TJP2: variants seen among roughly 807,000 people sequenced by gnomAD.
TJP2 encodes the protein Friedreich ataxia region gene X104 (tight junction protein ZO-2).
In TJP2, 91 loss-of-function variants were observed where a neutral mutation model predicts 133.1. The observed-to-expected ratio is 0.68, with a 90% CI of 0.58 to 0.81. The LOEUF (loss-of-function observed/expected upper bound fraction) is 0.81. Among genes scored for constraint, TJP2 ranks in the 40% least tolerant of loss-of-function variants. The pLI, the probability that TJP2 is intolerant of heterozygous loss-of-function variation, is 0.00. For missense variants in TJP2, 1,541 were observed against 1,565.6 expected (o/e 0.98, Z 0.26); for synonymous variants, 592 against 583.4 (o/e 1.01, Z -0.21).
chr9:69,185,504 A>T (rs1004349112), intron 1 of TJP2, among the ~76,000 whole-genome samples: 5 of 152,196 alleles, frequency 3.3e-5, no homozygotes, highest in Non-Finnish European at 7.4e-5. Flanking sequence ...GATTCTAGGT[A>T]CTTTTCTAAA....
At chr9:69,146,763 T>C (rs549754384) in intron 1 of TJP2, among the ~76,000 whole-genome samples, 1 of 152,148 alleles carries the variant, frequency 6.6e-6, no homozygotes, top group African/African-American at 2.4e-5. Flanking sequence ...CAGGGGTTGC[T>C]ATTGGCATCT....
rs1450539848 is a variant in TJP2 at position 69,128,130 on chromosome 9, T to C, written c.-131+6405T>C. ...AATCATCCATTGCATGGACATGTCA[T>C]AGTTTGCTTATCCATTCATCCATTA... On this transcript the variant is annotated intron_variant, in intron 1 of 5. Transcript: ENST00000423935. 2.6e-5 allele frequency among the ~76,000 whole-genome samples: 2 copies of C among 77,116 alleles called. 1 individual carries two copies. The highest frequency in any genetic ancestry group is 6.0e-5 in the Non-Finnish European group (2 of 33,504). 50.6% of individuals were successfully genotyped at this position (77,116 alleles called of 152,430 possible).
intron 1 of TJP2, among the ~76,000 whole-genome samples, chr9:69,184,806 A>C (rs1369850633): frequency 5.2e-5 from 7 of 135,248 alleles, no homozygotes; most frequent in African/African-American, 8.5e-5. Context: ...GCTGGAGTGC[A>C]GTGGTGCCGT....
At chr9:69,151,696 G>C in exon 2 of TJP2, 1 of 1,232,046 alleles carries the variant, frequency 8.1e-7, no homozygotes, top group Non-Finnish European at 1.0e-6. Context: ...AGTGGGATTG[G>C]CACCCCGGCT....
intron 2 of TJP2, among the ~76,000 whole-genome samples, chr9:69,159,674 C>A (rs1006075070): frequency 1.3e-5 from 2 of 151,868 alleles, no homozygotes; most frequent in South Asian, 4.1e-4. Flanking sequence ...GTCAGGAGAT[C>A]GAGACCATCC....
chr9:69,176,360 C>CTT (rs200206031), intron 1 of TJP2, among the ~76,000 whole-genome samples: 1 of 152,142 alleles, frequency 6.6e-6, no homozygotes, highest in African/African-American at 2.4e-5. Flanking sequence ...GCTGAAAACT[C>CTT]TTAAGTGTTG....
At chr9:69,121,612 G>T (rs1478076653) in exon 1 of TJP2, 1 of 153,016 alleles carries the variant, frequency 6.5e-6, no homozygotes, top group Admixed American at 6.6e-5. Flanking sequence ...GGGAGCGCAG[G>T]GGGACACCAG....
chr9:69,248,004 T>G lies in TJP2; in HGVS notation c.2668-8T>G. ...ACCCCACTGACCGTCCAACACAAAT[T>G]CCTCTAGATGGAAGGGATGGATGAT... On this transcript the variant is annotated splice_region_variant and splice_polypyrimidine_tract_variant and intron_variant, in intron 18 of 22. Coordinates refer to ENST00000377245, the MANE Select transcript of TJP2 (RefSeq NM_004817.4). The G allele has an allele frequency of 6.3e-7, 1 of 1,585,942 alleles. No homozygotes were observed. Among genetic ancestry groups the G allele is most frequent in the East Asian group, 2.3e-5 (1 of 44,426 alleles).
In TJP2 at chr9:69,251,025, C is replaced by G; in HGVS notation, c.2992-10C>G. ...AGCCCAGGGTGAAAACGTGTCATTG[C>G]TCTCCGCAGGCCAAAACCCAGAACA... On this transcript the variant is annotated splice_polypyrimidine_tract_variant and intron_variant, in intron 20 of 22. Coordinates refer to ENST00000377245, the MANE Select transcript of TJP2 (RefSeq NM_004817.4). 1 of 1,613,418 alleles carries G rather than the reference C, an allele frequency of 6.2e-7. No homozygotes were observed. The highest frequency in any genetic ancestry group is 8.5e-7 in the Non-Finnish European group (1 of 1,179,478).
chr9:69,211,384 A>C (rs911265916), intron 1 of TJP2, among the ~76,000 whole-genome samples: 2 of 152,210 alleles, frequency 1.3e-5, no homozygotes, highest in Non-Finnish European at 2.9e-5. Flanking sequence ...CATATTATAG[A>C]TACTCCATTT....
Position 69,174,430 on chromosome 9 carries a change from C to T in TJP2, c.58C>T (p.Arg20Cys). The part of the protein sequence containing the change: ...PPRRELSGWL[R>C]APGMEELIWE... ...CCGGCGGGAGCTGTCAGGTTGGCTC[C>T]GCGTAAGTGCCTCCTTGTGCCGCGC... Residue 20 changes from arginine to cysteine, a missense_variant and splice_region_variant, in exon 1 of 23, where the codon CGC (arginine) becomes TGC (cysteine). By Grantham distance (180) the Arg-to-Cys change is radical (BLOSUM62 -3). Transcript: ENST00000377245. The T allele has an allele frequency of 6.4e-7, 1 of 1,551,246 alleles. No homozygotes were observed. Among genetic ancestry groups the T allele is most frequent in the Non-Finnish European group, 8.7e-7 (1 of 1,146,950 alleles).
intron 5 of TJP2, among the ~76,000 whole-genome samples, chr9:69,223,617 T>G (rs1317126862): frequency 2.6e-5 from 4 of 151,838 alleles, no homozygotes; most frequent in Non-Finnish European, 5.9e-5. Flanking sequence ...AATGAGTGCA[T>G]TTTTTAAGAG....
chr9:69,161,814 G>A (rs886413390), intron 2 of TJP2, among the ~76,000 whole-genome samples: 43 of 150,106 alleles, frequency 2.9e-4, no homozygotes, highest in South Asian at 2.7e-3. Context: ...TTGGAAGGCC[G>A]AGGTGGGTGG....
Position 69,249,496 on chromosome 9 carries a change from G to A in TJP2, c.2991+11G>A, listed in dbSNP as rs765695865. 17 of 1,592,778 alleles carry A rather than the reference G, an allele frequency of 1.1e-5. No homozygotes were observed. The South Asian group carries it at 1.4e-4, about 13-fold the overall frequency. ...CCAGAGCCGCCCAAGGTACGTGGCT[G>A]GGAAGCCCAGGATGGGAAGGAAGAG... is the stretch of plus-strand genomic sequence containing the variant. On this transcript the variant is annotated intron_variant, in intron 20 of 22. Transcript: ENST00000377245.
At chr9:69,190,831 A>G (rs1826155726) in intron 1 of TJP2, among the ~76,000 whole-genome samples, 1 of 152,210 alleles carries the variant, frequency 6.6e-6, no homozygotes, top group South Asian at 2.1e-4. Context: ...CCTGCTAGCT[A>G]AGAACTGTTC....
At chr9:69,183,884 G>A (rs1205177465) in intron 1 of TJP2, among the ~76,000 whole-genome samples, 9 of 152,210 alleles carry the variant, frequency 5.9e-5, no homozygotes, top group East Asian at 5.8e-4. Context: ...ACAGGCATGC[G>A]CCACTACACC....
intron 1 of TJP2, among the ~76,000 whole-genome samples, chr9:69,181,450 A>T (rs751676093): frequency 2.0e-5 from 3 of 151,960 alleles, no homozygotes; most frequent in African/African-American, 7.3e-5. Flanking sequence ...GGGCTTCACC[A>T]TGTTGGCCAG....
intron 17 of TJP2, chr9:69,246,392 C>T (rs1257681863): frequency 1.3e-5 from 5 of 382,766 alleles, no homozygotes; most frequent in Middle Eastern, 8.8e-4. Context: ...CACACCTGGC[C>T]GAAAACACAT....
upstream of TJP2, chr9:69,174,140 C>T: frequency 8.0e-7 from 1 of 1,250,244 alleles, no homozygotes; most frequent in Non-Finnish European, 1.0e-6. Context: ...GCCAATTTGA[C>T]AGTTTCCCGG....
Sources: allele counts gnomAD v4.1 joint callset (sites outside exome capture counted in the v4.1 genomes callset), GRCh38; gene constraint gnomAD v4.1.1; transcripts MANE v1.5; gene names NCBI Gene and HGNC (gene_info 2026-07-23, HGNC 2026-07-21).